The following MIB1 variants were observed in gnomAD, a reference collection of about 807,000 sequenced individuals.
MIB1 encodes MIB E3 ubiquitin protein ligase 1.
MIB1 carries 278 observed loss-of-function variants against 124.5 expected under a neutral mutation model. That is an observed-to-expected ratio of 2.23 (90% CI 2.02 to 2.47). The LOEUF (loss-of-function observed/expected upper bound fraction) is 2.47, where lower values mean the gene tolerates loss of function less well. Among genes scored for constraint, MIB1 ranks in the 30% most tolerant of loss-of-function variants. The pLI is 0.00. For missense variants in MIB1, 957 were observed against 1,254.4 expected, an observed-to-expected ratio of 0.76 and a Z score of 3.58; for synonymous variants, 446 against 429.4, an observed-to-expected ratio of 1.04 and a Z score of -0.48.
chr18:21,795,270 TATATATAAATATATATGTATATATATA>T (rs1254159056), intron 7 of MIB1, among the ~76,000 whole-genome samples: 5 of 142,896 alleles, frequency 3.5e-5, no homozygotes, highest in African/African-American at 1.0e-4. Context: ...AGATTTTATA[TATATATAAATATATATGTATATATATA>T]ATATATAAAT....
At chr18:21,719,465 G>T (rs761059838) in intron 1 of MIB1, among the ~76,000 whole-genome samples, 1 of 151,906 alleles carries the variant, frequency 6.6e-6, no homozygotes, top group Non-Finnish European at 1.5e-5. Flanking sequence ...ATTTTTTTTT[G>T]ATATGAAGTC....
rs2041501085 is a variant in MIB1, at chr18:21,791,377, G to A, written c.912G>A (p.Trp304Ter). Residue 304 changes from tryptophan to a stop codon, truncating the protein, a stop_gained, in exon 7 of 21, where the codon TGG (tryptophan) becomes TGA (stop). Transcript: ENST00000261537. LOFTEE classifies it high-confidence loss of function. ...IVVQYPSGNR[W>*]TFNPAVLTKA... ...AGGTTTAGCTTTGCTCTTGTAGGTGGACCTTCAATCCTGCTGTTCTCACTA... is the reference window on the plus strand; with the variant it reads ...AGGTTTAGCTTTGCTCTTGTAGGTGAACCTTCAATCCTGCTGTTCTCACTA... 1.2e-6 allele frequency: 2 copies of A among 1,604,364 alleles called. No homozygotes were observed. Among genetic ancestry groups the A allele is most frequent in the South Asian group, 1.1e-5 (1 of 88,932 alleles).
chr18:21,706,442 T>A (rs1279418529), intron 1 of MIB1, among the ~76,000 whole-genome samples: 1 of 152,156 alleles, frequency 6.6e-6, no homozygotes, highest in Non-Finnish European at 1.5e-5. Context: ...AGCCCGCTGC[T>A]GCACTGTGGG....
intron 10 of MIB1, among the ~76,000 whole-genome samples, chr18:21,813,976 TGCTTCTG>T (rs1205599339): frequency 6.6e-6 from 1 of 152,242 alleles, no homozygotes; most frequent in Non-Finnish European, 1.5e-5. Flanking sequence ...CTTTTCCATC[TGCTTCTG>T]GCAAGGCAGT....
At chr18:21,823,392 C>A (rs2041896552) in intron 12 of MIB1, among the ~76,000 whole-genome samples, 1 of 149,918 alleles carries the variant, frequency 6.7e-6, no homozygotes, top group Non-Finnish European at 1.5e-5. Flanking sequence ...CATAGCAAGA[C>A]CCTGTCTCTA....
chr18:21,796,120 T>G (rs1209511766), intron 7 of MIB1, among the ~76,000 whole-genome samples: 2 of 139,480 alleles, frequency 1.4e-5, no homozygotes, highest in Non-Finnish European at 3.1e-5. Flanking sequence ...TGGGGTCGTT[T>G]GTTTTTTTCT....
At chr18:21,739,721 G>T (rs908492819), upstream of MIB1, among the ~76,000 whole-genome samples, 1 of 151,680 alleles carries the variant, frequency 6.6e-6, no homozygotes, top group African/African-American at 2.4e-5. Flanking sequence ...CCCCCAAGAA[G>T]CTCCCCACTG....
intron 13 of MIB1, among the ~76,000 whole-genome samples, chr18:21,839,501 A>G (rs1317550179): frequency 6.6e-6 from 1 of 152,006 alleles, no homozygotes; most frequent in Non-Finnish European, 1.5e-5. Context: ...TTGCATTTGC[A>G]TATAATTTTT....
intron 12 of MIB1, chr18:21,826,633 T>G (rs2041926646): frequency 6.6e-6 from 1 of 152,014 alleles, no homozygotes; most frequent in Non-Finnish European, 1.5e-5. Context: ...TCAGAGTAAA[T>G]TTTTGTTATA....
At chr18:21,767,420 A>G (rs2041173973) in intron 2 of MIB1, among the ~76,000 whole-genome samples, 1 of 152,196 alleles carries the variant, frequency 6.6e-6, no homozygotes, top group Admixed American at 6.5e-5. Context: ...CCCATGATTA[A>G]GTTACCTCCC....
At chr18:21,856,758 C>T (rs1441451041) in intron 18 of MIB1, among the ~76,000 whole-genome samples, 3 of 152,114 alleles carry the variant, frequency 2.0e-5, no homozygotes, top group Admixed American at 1.3e-4. Flanking sequence ...AAAATTATCA[C>T]GTAAGCAAGC....
intron 12 of MIB1, among the ~76,000 whole-genome samples, chr18:21,823,023 T>C (rs1725103560): frequency 6.6e-6 from 1 of 151,988 alleles, no homozygotes; most frequent in Admixed American, 6.6e-5. Flanking sequence ...CACTTGAGGC[T>C]AGGAGTTTGA....
intron 12 of MIB1, among the ~76,000 whole-genome samples, chr18:21,823,306 C>T (rs768162706): frequency 6.7e-6 from 1 of 148,958 alleles, no homozygotes. Context: ...GAGGCTGAGG[C>T]GAGAATATTG....
intron 13 of MIB1, among the ~76,000 whole-genome samples, chr18:21,840,663 ATAT>A (rs1409236328): frequency 9.3e-4 from 2 of 2,140 alleles, no homozygotes; most frequent in African/African-American, 1.4e-3. Flanking sequence ...ATATATATAT[ATAT>A]TTTTTTTTTT....
In MIB1 at chr18:21,841,108, G is replaced by A. The variant is rs2042084945; in HGVS notation, c.1963-2023G>A. 2.6e-5 allele frequency among the ~76,000 whole-genome samples: 4 copies of A among 152,110 alleles called. No homozygotes were observed. In the South Asian group the frequency reaches 8.3e-4, roughly 32 times the overall value. On this transcript the variant is annotated intron_variant, in intron 13 of 20. Transcript: ENST00000261537. ...TGGCTGGGTGCGGTGGCTCATGCCT[G>A]TAATCCAAGCACTTTGGGAGGCTGA...
chr18:21,792,369 G>A (rs1453251963), intron 7 of MIB1, among the ~76,000 whole-genome samples: 2 of 151,734 alleles, frequency 1.3e-5, no homozygotes, highest in East Asian at 3.9e-4. Context: ...CCACTCTACT[G>A]TAATTGTTCG....
chr18:21,868,713 A>G lies in MIB1; in HGVS notation c.*4047A>G, dbSNP rs2042337267. ...TATGATAGGAATGCTTACTGATATT[A>G]CTTGATAGTCATATATAGCCTAGGA... On this transcript the variant is annotated 3_prime_UTR_variant, in exon 21 of 21. Transcript: ENST00000261537. The G allele has an allele frequency of 6.6e-6, 1 of 152,444 alleles. No homozygotes were observed. The highest frequency in any genetic ancestry group is 2.1e-4 in the South Asian group (1 of 4,824). 9.4% of individuals were successfully genotyped at this position (152,444 alleles called of 1,614,324 possible). A position where few individuals can be genotyped will look rare whatever the true frequency, so the allele number is the denominator to read the frequency against.
upstream of MIB1, among the ~76,000 whole-genome samples, chr18:21,736,331 A>T (rs998524716): frequency 6.6e-6 from 1 of 152,338 alleles, no homozygotes; most frequent in South Asian, 2.1e-4. Flanking sequence ...GAATAGTATC[A>T]ACATCAACAA....
intron 1 of MIB1, among the ~76,000 whole-genome samples, chr18:21,756,464 CTTTTTT>C (rs1017706028): frequency 4.6e-5 from 7 of 151,710 alleles, no homozygotes; most frequent in African/African-American, 1.7e-4. Context: ...GTATAAAATT[CTTTTTT>C]TTATTTTTTT....
Sources: allele counts gnomAD v4.1 joint callset (sites outside exome capture counted in the v4.1 genomes callset), GRCh38; gene constraint gnomAD v4.1.1; transcripts MANE v1.5; gene names NCBI Gene and HGNC (gene_info 2026-07-23, HGNC 2026-07-21).